PPARGC1A: variants seen among roughly 807,000 people sequenced by gnomAD.
The protein encoded by PPARGC1A is PPARG coactivator 1 alpha, also known as peroxisome proliferator-activated receptor gamma coactivator 1-alpha.
A neutral mutation model predicts 88.7 loss-of-function variants in PPARGC1A; 25 were observed. That is an observed-to-expected ratio of 0.28 (90% CI 0.21 to 0.39). The LOEUF (loss-of-function observed/expected upper bound fraction) is 0.39. Ranked by LOEUF, PPARGC1A falls within the 10% of genes least tolerant of loss-of-function variation. PPARGC1A has a pLI of 1.00. For missense variants in PPARGC1A, 880 were observed against 968.7 expected, an observed-to-expected ratio of 0.91 and a Z score of 1.22; for synonymous variants, 363 against 355.6, an observed-to-expected ratio of 1.02 and a Z score of -0.24.
chr4:24,290,020 C>T, the PPARGC1A span, among the ~76,000 whole-genome samples: 4 of 152,254 alleles, frequency 2.6e-5, no homozygotes, highest in South Asian at 8.3e-4. Flanking sequence ...TGCAGGGGAA[C>T]TCCCATTTAT....
At chr4:24,202,012 C>T in the PPARGC1A span, among the ~76,000 whole-genome samples, 2 of 152,038 alleles carry the variant, frequency 1.3e-5, no homozygotes, top group Non-Finnish European at 2.9e-5. Context: ...AGCCATTCTC[C>T]TGCCTCAGCT....
At chr4:23,917,032 G>C in the PPARGC1A span, among the ~76,000 whole-genome samples, 5 of 152,150 alleles carry the variant, frequency 3.3e-5, no homozygotes, top group Non-Finnish European at 7.3e-5. Flanking sequence ...CTGTGTTCTT[G>C]TTCCCCGCAC....
the PPARGC1A span, among the ~76,000 whole-genome samples, chr4:24,318,621 T>C: frequency 1.3e-5 from 2 of 152,342 alleles, no homozygotes; most frequent in South Asian, 2.1e-4. Context: ...ATATGCAGCA[T>C]TTTTTTAAGC....
At chr4:24,016,451 A>G in the PPARGC1A span, among the ~76,000 whole-genome samples, 2 of 152,218 alleles carry the variant, frequency 1.3e-5, no homozygotes, top group Admixed American at 6.5e-5. Flanking sequence ...GAAAATGTTC[A>G]TTCATTTAAC....
At position 23,851,803 on chromosome 4, in the gene PPARGC1A, C is replaced by T. The variant is rs543627581; in HGVS notation, c.235-20052G>A. ...TCTGAGATTTTGCTCTCTCTTCAAA[C>T]TTTTGCTGTATGCTGTGTCTTACAG... On this transcript the variant is annotated intron_variant, in intron 2 of 12. Coordinates refer to ENST00000264867, the MANE Select transcript of PPARGC1A (RefSeq NM_013261.5). Among the ~76,000 whole-genome samples, 10 of 152,292 alleles carry T rather than the reference C, an allele frequency of 6.6e-5. No homozygotes were observed. In the South Asian group the frequency reaches 1.9e-3, roughly 28 times the overall value.
the PPARGC1A span, among the ~76,000 whole-genome samples, chr4:24,326,559 G>A: frequency 2.6e-5 from 4 of 152,192 alleles, no homozygotes; most frequent in Admixed American, 6.5e-5. Context: ...CAAATTACCT[G>A]GGCTGCACTG....
At chr4:24,080,029 ATATT>A in the PPARGC1A span, among the ~76,000 whole-genome samples, 1 of 151,950 alleles carries the variant, frequency 6.6e-6, no homozygotes, top group South Asian at 2.1e-4. Context: ...CTCTCTCATT[ATATT>A]TATTATTCAA....
At chr4:24,015,511 A>G in the PPARGC1A span, among the ~76,000 whole-genome samples, 2 of 152,198 alleles carry the variant, frequency 1.3e-5, no homozygotes, top group South Asian at 2.1e-4. Flanking sequence ...GTCCCAAGGA[A>G]GCAAGAAAAA....
At chr4:24,137,983 T>C in the PPARGC1A span, among the ~76,000 whole-genome samples, 1 of 152,090 alleles carries the variant, frequency 6.6e-6, no homozygotes, top group Non-Finnish European at 1.5e-5. Context: ...CTCAGTCAGA[T>C]TTATGGATTG....
chr4:23,850,825 G>T (rs1312530506), intron 2 of PPARGC1A, among the ~76,000 whole-genome samples: 1 of 152,180 alleles, frequency 6.6e-6, no homozygotes, highest in Non-Finnish European at 1.5e-5. Context: ...TTAAACATGT[G>T]TCTGAGTAGG....
chr4:24,154,558 T>A, the PPARGC1A span, among the ~76,000 whole-genome samples: 1 of 152,212 alleles, frequency 6.6e-6, no homozygotes, highest in African/African-American at 2.4e-5. Context: ...GCCAACCCAA[T>A]TTAAGACTTC....
chr4:24,302,643 G>A, the PPARGC1A span, among the ~76,000 whole-genome samples: 1 of 152,162 alleles, frequency 6.6e-6, no homozygotes, highest in African/African-American at 2.4e-5. Flanking sequence ...AACTTCCCAC[G>A]GTCACTTAGC....
chr4:24,121,910 C>T, the PPARGC1A span, among the ~76,000 whole-genome samples: 1 of 152,158 alleles, frequency 6.6e-6, no homozygotes, highest in Non-Finnish European at 1.5e-5. Flanking sequence ...ACCCTGAACT[C>T]GAGTTCCCTT....
chr4:24,339,208 GTGTGTATATATATATA>G, the PPARGC1A span, among the ~76,000 whole-genome samples: 54 of 38,228 alleles, frequency 1.4e-3, no homozygotes, highest in African/African-American at 3.5e-3. Context: ...GTGTGTGTGT[GTGTGTATATATATATA>G]TATATATATA....
In PPARGC1A at chr4:23,795,310, TATATATATATATA is replaced by T. The variant is rs1167503381; in HGVS notation, c.*499_*511del. The stretch of plus-strand genomic sequence containing the variant: ...TTTAATTTATATATATATATATATA[TATATATATATATA>T]TATATATTTCCTTTTGAATAGAATA... On this transcript the variant is annotated 3_prime_UTR_variant, in exon 13 of 13. Transcript: ENST00000264867. 3.6e-4 allele frequency: 52 copies of T among 144,376 alleles called. No individual in the cohort carries two copies. Among genetic ancestry groups the T allele is most frequent in the African/African-American group, 1.3e-3 (50 of 39,698 alleles). The allele number at this position is 144,376 out of a possible 1,614,324, so 8.9% of individuals were successfully genotyped here. A position where few individuals can be genotyped will look rare whatever the true frequency, so the allele number is the denominator to read the frequency against.
intron 1 of PPARGC1A, among the ~76,000 whole-genome samples, chr4:23,886,244 T>C (rs1164983099): frequency 6.6e-6 from 1 of 152,194 alleles, no homozygotes; most frequent in African/African-American, 2.4e-5. Flanking sequence ...AGGCATAAAA[T>C]GAAAGATGCT....
At chr4:23,951,766 C>T in the PPARGC1A span, among the ~76,000 whole-genome samples, 1 of 152,116 alleles carries the variant, frequency 6.6e-6, no homozygotes, top group Non-Finnish European at 1.5e-5. Flanking sequence ...ATCTAGAACC[C>T]ATTCATGAAA....
At chr4:24,222,540 T>G in the PPARGC1A span, among the ~76,000 whole-genome samples, 1 of 152,152 alleles carries the variant, frequency 6.6e-6, no homozygotes, top group Admixed American at 6.5e-5. Flanking sequence ...TTATAAAAAT[T>G]TAAAGTGATT....
At chr4:24,290,625 C>T in the PPARGC1A span, among the ~76,000 whole-genome samples, 2 of 152,216 alleles carry the variant, frequency 1.3e-5, no homozygotes, top group Non-Finnish European at 2.9e-5. Context: ...CACTCTTACA[C>T]TTGAATGTAA....
Sources: allele counts gnomAD v4.1 joint callset (sites outside exome capture counted in the v4.1 genomes callset), GRCh38; gene constraint gnomAD v4.1.1; transcripts MANE v1.5; gene names NCBI Gene and HGNC (gene_info 2026-07-23, HGNC 2026-07-21).